Variants in CPEB4 observed in about 807,000 individuals in gnomAD.
CPEB4 encodes cytoplasmic polyadenylation element-binding protein 4.
A neutral mutation model predicts 72.5 loss-of-function variants in CPEB4; 12 were observed. The ratio of observed to expected loss-of-function variants is 0.17; its 90% CI spans 0.11 to 0.27. The LOEUF is 0.27. Among genes scored for constraint, CPEB4 ranks in the 10% least tolerant of loss-of-function variants. The probability of loss-of-function intolerance (pLI) is 1.00; values close to 1 mark genes in which losing one functional copy is unlikely to be tolerated. For missense variants in CPEB4, 614 were observed against 908.5 expected (o/e 0.68, Z 4.17); for synonymous variants, 302 against 326.3 (o/e 0.93, Z 0.80).
Position 173,932,547 on chromosome 5 carries a change from A to C in CPEB4, c.1258+47A>C, listed in dbSNP as rs1278904209. ...CTAGTGAAGTGCACAAAACTGATAC[A>C]GTAGTTGTGCTTCAGCAGTGGAGAA... On this transcript the variant is annotated intron_variant, in intron 3 of 9. Transcript: ENST00000265085. 2.1e-6 allele frequency: 3 copies of C among 1,410,872 alleles called. No homozygotes were observed. In the African/African-American group the frequency reaches 4.3e-5, roughly 20 times the overall value. 87.4% of individuals were successfully genotyped at this position (1,410,872 alleles called of 1,614,324 possible).
In CPEB4 at chr5:173,889,558, A is replaced by G. The variant is rs1025011855; in HGVS notation, c.-176A>G. ...TTAAGAGTTGTTTTTTCTTTCAGAG[A>G]CCAGAATTCCAAATCAGAACAATTT... On this transcript the variant is annotated 5_prime_UTR_variant, in exon 1 of 10. Coordinates refer to ENST00000265085, the MANE Select transcript of CPEB4 (RefSeq NM_030627.4). 6 of 508,726 alleles carry G rather than the reference A, an allele frequency of 1.2e-5. No individual in the cohort carries two copies. In the African/African-American group the frequency reaches 1.2e-4, roughly 10 times the overall value. 31.5% of individuals were successfully genotyped at this position (508,726 alleles called of 1,614,324 possible).
chr5:173,916,351 G>A (rs1170480277), intron 2 of CPEB4, among the ~76,000 whole-genome samples: 1 of 152,210 alleles, frequency 6.6e-6, no homozygotes, highest in Non-Finnish European at 1.5e-5. Flanking sequence ...TAATTTGAAT[G>A]TAAGCAATAA....
At chr5:173,947,010 TAGGTATCGTAGAAG>T (rs1758042705) in intron 5 of CPEB4, among the ~76,000 whole-genome samples, 1 of 151,586 alleles carries the variant, frequency 6.6e-6, no homozygotes, top group Non-Finnish European at 1.5e-5. Flanking sequence ...CCTATGAGAA[TAGGTATCGTAGAAG>T]AGCAGACTAG....
intron 3 of CPEB4, among the ~76,000 whole-genome samples, chr5:173,934,770 G>A (rs150022354): frequency 8.7e-4 from 133 of 152,310 alleles, no homozygotes; most frequent in African/African-American, 2.9e-3. Flanking sequence ...AAGATTGCTT[G>A]AAAGTCGTGA....
At chr5:173,920,530 T>C (rs1283334046) in intron 2 of CPEB4, among the ~76,000 whole-genome samples, 1 of 152,204 alleles carries the variant, frequency 6.6e-6, no homozygotes, top group Non-Finnish European at 1.5e-5. Flanking sequence ...TGTTAGCATA[T>C]AACAGACTTT....
In CPEB4 at chr5:173,890,043, G is replaced by A; in HGVS notation, c.310G>A (p.Ala104Thr). 6.2e-7 allele frequency: 1 copy of A among 1,614,170 alleles called. No homozygotes were observed. Among genetic ancestry groups the A allele is most frequent in the East Asian group, 2.2e-5 (1 of 44,892 alleles). Residue 104 changes from alanine to threonine, a missense_variant, in exon 1 of 10, where the codon GCT becomes ACT. Physicochemically the swap from Ala to Thr is moderately conservative, Grantham distance 58 (BLOSUM62 0). This residue lies in a region of CPEB4 where 458 missense variants were observed against 548.6 expected (regional missense o/e 0.83). Coordinates refer to ENST00000265085, the MANE Select transcript of CPEB4 (RefSeq NM_030627.4). ...GCTTTCCCCAAGTCCAGGTCAGGAA[G>A]CTGGAATACTGCCTGAAACAGAGAA... ...QQLSPSPGQE[A>T]GILPETEKAK...
At chr5:173,917,116 G>C (rs926047464) in intron 2 of CPEB4, among the ~76,000 whole-genome samples, 1 of 152,142 alleles carries the variant, frequency 6.6e-6, no homozygotes, top group African/African-American at 2.4e-5. Flanking sequence ...CCTGCTATGA[G>C]AGTTGCTAAA....
At chr5:173,952,627 T>G (rs1758250096) in intron 8 of CPEB4, among the ~76,000 whole-genome samples, 1 of 152,034 alleles carries the variant, frequency 6.6e-6, no homozygotes, top group Non-Finnish European at 1.5e-5. Context: ...GGGGAAAGAG[T>G]TTTGATGGAA....
At chr5:173,913,048 T>C (rs1756723833) in intron 2 of CPEB4, among the ~76,000 whole-genome samples, 1 of 152,112 alleles carries the variant, frequency 6.6e-6, no homozygotes, top group Admixed American at 6.5e-5. Flanking sequence ...AATAAGTAAT[T>C]AGAAATCATT....
chr5:173,956,017 G>A lies in CPEB4; in HGVS notation c.2070G>A (p.Leu690=). 6.2e-7 allele frequency: 1 copy of A among 1,614,168 alleles called. No homozygotes were observed. Among genetic ancestry groups the A allele is most frequent in the East Asian group, 2.2e-5 (1 of 44,882 alleles). The change falls in exon 10 of 10, where the codon CTG becomes CTA. Residue 690 remains leucine (L), a synonymous_variant. Transcript: ENST00000265085. ...APFFCANVTC[L]QYYCEYCWAA... ...TTTTCTGTGCTAATGTTACCTGTCT[G>A]CAGTATTACTGTGAATATTGCTGGG... is the stretch of plus-strand genomic sequence containing the variant.
rs772295632 is a variant in CPEB4, at chr5:173,889,952, G to A, written c.219G>A (p.Glu73=). ...CAGCTACCCATAACATTCAGGATGA[G>A]ATCTTGGGGTCAGAAAAAGCAAAAA... ...PAPATHNIQD[E]ILGSEKAKSQ... is the part of the protein sequence containing the mutation. The change falls in exon 1 of 10, where the codon GAG becomes GAA. Residue 73 remains glutamate (E), a synonymous_variant. Coordinates refer to ENST00000265085, the MANE Select transcript of CPEB4 (RefSeq NM_030627.4). 1 of 1,614,174 alleles carries A rather than the reference G, an allele frequency of 6.2e-7. No individual in the cohort carries two copies. The highest frequency in any genetic ancestry group is 8.5e-7 in the Non-Finnish European group (1 of 1,180,026).
intron 5 of CPEB4, 105 bp downstream of exon 5, chr5:173,945,245 C>T: frequency 1.1e-6 from 1 of 939,100 alleles, no homozygotes; most frequent in Non-Finnish European, 1.6e-6. Flanking sequence ...AATAGTCAGC[C>T]CTGCTTGCAT....
chr5:173,912,918 CAAAAAA>C (rs397959791), intron 2 of CPEB4, among the ~76,000 whole-genome samples: 1 of 89,002 alleles, frequency 1.1e-5, no homozygotes, highest in South Asian at 3.3e-4. Context: ...GACCCTGTCT[CAAAAAA>C]AAAAAAAAAA....
chr5:173,940,762 A>G (rs1193881343), intron 3 of CPEB4, among the ~76,000 whole-genome samples: 1 of 152,228 alleles, frequency 6.6e-6, no homozygotes, highest in Non-Finnish European at 1.5e-5. Context: ...TATTTCTTCA[A>G]TATTAATTTA....
chr5:173,940,563 T>G (rs1191379637), intron 3 of CPEB4, among the ~76,000 whole-genome samples: 1 of 152,222 alleles, frequency 6.6e-6, no homozygotes, highest in Non-Finnish European at 1.5e-5. Context: ...TTATTTAGCA[T>G]TCTATTAATG....
chr5:173,890,857 C>T lies in CPEB4; in HGVS notation c.1124C>T (p.Pro375Leu), dbSNP rs373430313. ...AGGGCTGACAACATTTTTCCTTTTC[C>T]GGTAAGATTATGTTCCATTAATAGA... The part of the protein sequence containing the change: ...LNRADNIFPF[P>L]DRPRTFDMHS... Residue 375 changes from proline to leucine, a missense_variant and splice_region_variant, in exon 1 of 10, where the codon CCG (proline) becomes CTG (leucine). This residue lies in a region of CPEB4 where 458 missense variants were observed against 548.6 expected (regional missense o/e 0.83). Transcript: ENST00000265085. The T allele has an allele frequency of 1.3e-5, 21 of 1,603,672 alleles. No homozygotes were observed. Among genetic ancestry groups the T allele is most frequent in the African/African-American group, 5.4e-5 (4 of 74,656 alleles).
In CPEB4 at chr5:173,955,714, G is replaced by C. The variant is rs779218195; in HGVS notation, c.1963-196G>C. Among the ~76,000 whole-genome samples the C allele has an allele frequency of 6.6e-6, 1 of 152,096 alleles. No homozygotes were observed. The highest frequency in any genetic ancestry group is 1.9e-4 in the East Asian group (1 of 5,200). ...GATGTTTATTTAATAAGAAAAAAAT[G>C]TAAAATGATAGATAATAAAAGCCTT... On this transcript the variant is annotated intron_variant, in intron 9 of 9. Transcript: ENST00000265085. The surrounding 1 kb of genome is among the most constrained non-coding windows in gnomAD (Gnocchi z 4.7).
At chr5:173,929,523 A>AC (rs925311581) in intron 2 of CPEB4, among the ~76,000 whole-genome samples, 5 of 151,794 alleles carry the variant, frequency 3.3e-5, no homozygotes, top group African/African-American at 9.7e-5. Flanking sequence ...ACATAGGGAG[A>AC]CCCCCATCTC....
In CPEB4 at chr5:173,950,058, C is replaced by G; in HGVS notation, c.1645C>G (p.Pro549Ala). The G allele has an allele frequency of 6.2e-7, 1 of 1,605,594 alleles. No individual in the cohort carries two copies. The highest frequency in any genetic ancestry group is 8.5e-7 in the Non-Finnish European group (1 of 1,174,098). Residue 549 changes from proline to alanine, a missense_variant, in exon 7 of 10, where the codon CCC (proline) becomes GCC (alanine). Physicochemically the swap from Pro to Ala is conservative, Grantham distance 27. Transcript: ENST00000265085. The surrounding 1 kb of genome is among the most constrained non-coding windows in gnomAD (Gnocchi z 5.0). ...AAAACTCTACCTTTGTGTATCAAGT[C>G]CCACTATCAAGGATAAGCCAGTAAG... ...DGKLYLCVSS[P>A]TIKDKPVQIR...
Sources: gnomAD v4.1 joint callset for allele counts (sites outside exome capture counted in the v4.1 genomes callset) on GRCh38, gnomAD v4.1.1 for gene constraint, gnomAD v4.1.1 regional missense constraint, Gnocchi (gnomAD v3.1) non-coding constraint, MANE v1.5 for transcripts, NCBI Gene and HGNC (gene_info 2026-07-23, HGNC 2026-07-21) for gene names.